ITGB5: variants seen among roughly 807,000 people sequenced by gnomAD.
The protein encoded by ITGB5 is integrin beta-5.
A neutral mutation model predicts 84.8 loss-of-function variants in ITGB5; 38 were observed. The ratio of observed to expected loss-of-function variants is 0.45; its 90% CI spans 0.35 to 0.59. The LOEUF is 0.59. Ranked by LOEUF, ITGB5 falls within the 20% of genes least tolerant of loss-of-function variation. ITGB5 has a pLI of 0.01. For synonymous variants in ITGB5, 393 were observed against 414.4 expected, an observed-to-expected ratio of 0.95 and a Z score of 0.63; for missense variants, 905 against 1,034.5, an observed-to-expected ratio of 0.87 and a Z score of 1.72.
intron 2 of ITGB5, among the ~76,000 whole-genome samples, chr3:124,866,540 C>T (rs2065392953): frequency 6.6e-6 from 1 of 152,178 alleles, no homozygotes; most frequent in South Asian, 2.1e-4. Context: ...AAACTGTAGG[C>T]CCTTGAACAA....
In ITGB5 at chr3:124,766,210, TGCAGCCCTC is replaced by T; in HGVS notation, c.2137+7_2137+15del. 6.2e-7 allele frequency: 1 copy of T among 1,611,680 alleles called. No homozygotes were observed. The highest frequency in any genetic ancestry group is 8.5e-7 in the Non-Finnish European group (1 of 1,179,034). On this transcript the variant is annotated splice_region_variant and intron_variant, in intron 13 of 14. Transcript: ENST00000296181. ...GGGCTGGCTGAGTGGGCCGAGCCCTTGCAGCCCTCACCTACCTGGCTCCCTGAGGACGGT... is the reference window on the plus strand; with the variant it reads ...GGGCTGGCTGAGTGGGCCGAGCCCTTACCTACCTGGCTCCCTGAGGACGGT...
chr3:124,868,132 A>T (rs2065419488), intron 2 of ITGB5, among the ~76,000 whole-genome samples: 1 of 152,062 alleles, frequency 6.6e-6, no homozygotes, highest in Non-Finnish European at 1.5e-5. Context: ...ACCTTCCACC[A>T]CGGTTGTAAG....
intron 10 of ITGB5, among the ~76,000 whole-genome samples, chr3:124,795,166 G>T (rs1489137216): frequency 2.6e-5 from 4 of 152,144 alleles, no homozygotes; most frequent in African/African-American, 7.2e-5. Context: ...TTGGGAGGAA[G>T]TTATTGAGAA....
Position 124,796,573 on chromosome 3 carries a change from C to G in ITGB5, c.1508G>C (p.Gly503Ala), listed in dbSNP as rs1299315191. The change falls in exon 10 of 15, where the codon GGG becomes GCG. Residue 503 changes from glycine (G) to alanine (A), a missense_variant. By Grantham distance (60) the Gly-to-Ala change is moderately conservative. Around this residue, in one of 3 missense-constraint regions of ITGB5, gnomAD observed 656 missense variants for 734.7 expected, o/e 0.89. Coordinates refer to ENST00000296181, the MANE Select transcript of ITGB5 (RefSeq NM_002213.5). ...GTTCTGGTACACGCTCTGGTTCTCCCCATCCTGGCACTCGCACCTGGTGCC... is the reference window on the plus strand; with the variant it reads ...GTTCTGGTACACGCTCTGGTTCTCCGCATCCTGGCACTCGCACCTGGTGCC... ...YLGTRCECQDGENQSVYQNLC... is the reference protein window; with the variant it reads ...YLGTRCECQDAENQSVYQNLC... The G allele has an allele frequency of 5.0e-6, 8 of 1,614,058 alleles. No homozygotes were observed. In the African/African-American group the frequency reaches 1.1e-4, roughly 22 times the overall value.
intron 1 of ITGB5, among the ~76,000 whole-genome samples, chr3:124,883,326 A>C (rs1311970129): frequency 6.6e-6 from 1 of 152,228 alleles, no homozygotes; most frequent in Non-Finnish European, 1.5e-5. Flanking sequence ...ATAAGCATGG[A>C]GAACAAGCAG....
At chr3:124,774,014 G>A in intron 10 of ITGB5, 102 bp from the exon 11 acceptor site, 1 of 1,055,534 alleles carries the variant, frequency 9.5e-7, no homozygotes, top group Non-Finnish European at 1.4e-6. Context: ...AGCAGAGAAT[G>A]GAACACCAAC....
At chr3:124,811,171 A>C (rs1466574386) in intron 8 of ITGB5, among the ~76,000 whole-genome samples, 2 of 151,992 alleles carry the variant, frequency 1.3e-5, no homozygotes, top group Non-Finnish European at 2.9e-5. Context: ...TACACAGAGC[A>C]CTCTCCTGCT....
At chr3:124,846,456 G>A (rs996684577) in intron 4 of ITGB5, among the ~76,000 whole-genome samples, 2 of 150,188 alleles carry the variant, frequency 1.3e-5, no homozygotes, top group African/African-American at 2.4e-5. Context: ...AAAAAAAAAC[G>A]TTCATTGTGT....
At chr3:124,860,965 C>T (rs2065288447) in intron 2 of ITGB5, among the ~76,000 whole-genome samples, 1 of 151,836 alleles carries the variant, frequency 6.6e-6, no homozygotes, top group Non-Finnish European at 1.5e-5. Flanking sequence ...CTTTGAGAGA[C>T]TTGAGGCAGG....
chr3:124,830,174 G>A (rs2064839332), intron 5 of ITGB5, among the ~76,000 whole-genome samples: 1 of 152,126 alleles, frequency 6.6e-6, no homozygotes, highest in Non-Finnish European at 1.5e-5. Context: ...GCTTCTTAAG[G>A]CTGAAAGGAG....
chr3:124,786,438 T>C (rs753436682), intron 10 of ITGB5, among the ~76,000 whole-genome samples: 29 of 152,062 alleles, frequency 1.9e-4, no homozygotes, highest in Non-Finnish European at 4.0e-4. Context: ...TGTGTTACTA[T>C]AGTTTTGCCT....
At position 124,773,875 on chromosome 3, in the gene ITGB5, A is replaced by C; in HGVS notation, c.1731T>G (p.His577Gln). ...GECHCGECKC[H>Q]AGYIGDNCNC... ...TACAGTTGTCCCCGATGTAACCTGC[A>C]TGGCACTTGCATTCCCCGCAGTGAC... is the stretch of plus-strand genomic sequence containing the variant. The change falls in exon 11 of 15, where the codon CAT becomes CAG. Residue 577 changes from histidine to glutamine, a missense_variant. This residue lies in a region of ITGB5 where 116 missense variants were observed against 177.0 expected (regional missense o/e 0.66). Coordinates refer to ENST00000296181, the MANE Select transcript of ITGB5 (RefSeq NM_002213.5). 3.1e-6 allele frequency: 5 copies of C among 1,614,216 alleles called. No homozygotes were observed. Among genetic ancestry groups the C allele is most frequent in the Non-Finnish European group, 4.2e-6 (5 of 1,180,040 alleles).
intron 1 of ITGB5, among the ~76,000 whole-genome samples, chr3:124,875,207 G>A (rs367844879): frequency 7.2e-5 from 11 of 152,170 alleles, no homozygotes; most frequent in Non-Finnish European, 1.5e-4. Flanking sequence ...GCCAGGCACC[G>A]TGGCTCGCAC....
chr3:124,853,072 A>G (rs1435826830), intron 3 of ITGB5, among the ~76,000 whole-genome samples: 1 of 152,038 alleles, frequency 6.6e-6, no homozygotes, highest in Non-Finnish European at 1.5e-5. Context: ...AACTCTTAAG[A>G]CTGATTTTGT....
chr3:124,892,468 T>C (rs1369257563), upstream of ITGB5, among the ~76,000 whole-genome samples: 1 of 149,646 alleles, frequency 6.7e-6, no homozygotes, highest in Admixed American at 6.7e-5. Flanking sequence ...GGGAGGTAGA[T>C]TGCTTGAGTC....
intron 2 of ITGB5, among the ~76,000 whole-genome samples, chr3:124,871,052 G>C (rs1934006321): frequency 6.6e-6 from 1 of 152,068 alleles, no homozygotes; most frequent in South Asian, 2.1e-4. Context: ...AGCACACCCA[G>C]CTAATTTTTT....
intron 5 of ITGB5, among the ~76,000 whole-genome samples, chr3:124,839,844 C>T (rs1028951444): frequency 5.9e-5 from 9 of 152,202 alleles, no homozygotes; most frequent in African/African-American, 1.9e-4. Flanking sequence ...CTGAATCAAA[C>T]AATTTGGCTC....
intron 11 of ITGB5, among the ~76,000 whole-genome samples, chr3:124,772,091 T>C (rs2063853952): frequency 6.6e-6 from 1 of 152,104 alleles, no homozygotes; most frequent in African/African-American, 2.4e-5. Flanking sequence ...TGGGGGCACC[T>C]CCCTCGGATA....
Position 124,775,367 on chromosome 3 carries a change from C to T in ITGB5, c.1694-1455G>A, listed in dbSNP as rs917345453. 5.1e-4 allele frequency among the ~76,000 whole-genome samples: 77 copies of T among 151,374 alleles called. 1 individual carries two copies. The highest frequency in any genetic ancestry group is 3.4e-3 in the Middle Eastern group (1 of 292). ...GTGTGAGGGAGGATGTGTGTGAGTG[C>T]GAGCATCTGTGTGTGTTGGAGTGTG... On this transcript the variant is annotated intron_variant, in intron 10 of 14. Transcript: ENST00000296181.
Sources: allele counts gnomAD v4.1 joint callset (sites outside exome capture counted in the v4.1 genomes callset), GRCh38; gene constraint gnomAD v4.1.1; regional missense constraint gnomAD v4.1.1; transcripts MANE v1.5; gene names NCBI Gene and HGNC (gene_info 2026-07-23, HGNC 2026-07-21).